The following TM2D2 variants were observed in gnomAD, a reference collection of about 807,000 sequenced individuals.
TM2D2 encodes the protein TM2 domain-containing protein 2.
Under a neutral mutation model 23.0 loss-of-function variants are expected in TM2D2, and 19 were observed. That is an observed-to-expected ratio of 0.82 (90% CI 0.58 to 1.21). The LOEUF (loss-of-function observed/expected upper bound fraction) is 1.21, where lower values mean the gene tolerates loss of function less well. Among genes scored for constraint, TM2D2 ranks in the 50% most tolerant of loss-of-function variants. The pLI is 0.00. For missense variants in TM2D2, 246 were observed against 265.4 expected, an observed-to-expected ratio of 0.93 and a Z score of 0.51; for synonymous variants, 120 against 108.8, an observed-to-expected ratio of 1.10 and a Z score of -0.64.
intron 3 of TM2D2, among the ~76,000 whole-genome samples, 192 bp from the exon 4 acceptor site, chr8:38,991,737 A>G (rs749819327): frequency 1.3e-5 from 2 of 152,164 alleles, no homozygotes; most frequent in Non-Finnish European, 2.9e-5. Context: ...TATTATACTC[A>G]TAGGTCCCAG....
upstream of TM2D2, chr8:38,996,597 G>A (rs1310102074): frequency 2.1e-6 from 3 of 1,453,020 alleles, no homozygotes; most frequent in East Asian, 7.5e-5. Flanking sequence ...GCGCACCTCC[G>A]CCAACCAACT....
At chr8:38,993,447 C>A in intron 3 of TM2D2, 98 bp downstream of exon 3, 1 of 839,082 alleles carries the variant, frequency 1.2e-6, no homozygotes. Context: ...CAGAGTGAGA[C>A]CCTGTCTCTT....
chr8:38,994,568 C>T (rs1244605517), intron 2 of TM2D2, among the ~76,000 whole-genome samples: 1 of 152,018 alleles, frequency 6.6e-6, no homozygotes, highest in Admixed American at 6.5e-5. Context: ...CAGGTTTATT[C>T]CTCTGTGTCT....
In TM2D2 at chr8:38,990,018, TTA is replaced by T. The variant is rs1157993921; in HGVS notation, c.*1312_*1313del. The T allele has an allele frequency of 1.3e-5, 2 of 152,188 alleles. No homozygotes were observed. The highest frequency in any genetic ancestry group is 2.9e-5 in the Non-Finnish European group (2 of 67,992). 9.4% of individuals were successfully genotyped at this position (152,188 alleles called of 1,614,324 possible). A position where few individuals can be genotyped will look rare whatever the true frequency, so the allele number is the denominator to read the frequency against. On this transcript the variant is annotated 3_prime_UTR_variant, in exon 4 of 4. Coordinates refer to ENST00000456397, the MANE Select transcript of TM2D2 (RefSeq NM_078473.3). The stretch of plus-strand genomic sequence containing the variant: ...TTATGAATTAAAAGTTTACCAATTG[TTA>T]TGTTATAAGCAAGGTTAAGGTCAGT...
upstream of TM2D2, chr8:38,996,724 C>T (rs921904502): frequency 7.0e-7 from 1 of 1,419,320 alleles, no homozygotes; most frequent in East Asian, 2.6e-5. Flanking sequence ...CAATCGGATC[C>T]GTCGACCCCC....
upstream of TM2D2, chr8:38,996,990 A>C: frequency 1.9e-6 from 3 of 1,549,676 alleles, no homozygotes; most frequent in Non-Finnish European, 2.6e-6. Flanking sequence ...GGGCCCCGGC[A>C]GGGTTGGAAA....
At chr8:38,996,110 G>C in intron 1 of TM2D2, 103 bp downstream of exon 1, 1 of 1,344,080 alleles carries the variant, frequency 7.4e-7, no homozygotes, top group South Asian at 1.4e-5. Context: ...AGAGAGGCAG[G>C]GTCTGAAAAA....
In TM2D2 at chr8:38,991,342, G is replaced by A; in HGVS notation, c.635C>T (p.Thr212Ile). Residue 212 changes from threonine (T) to isoleucine (I), a missense_variant, in exon 4 of 4, where the codon ACT becomes ATT. By Grantham distance (89) the Thr-to-Ile change is moderately conservative. Coordinates refer to ENST00000456397, the MANE Select transcript of TM2D2 (RefSeq NM_078473.3). Reference protein sequence around the residue: ...LMPSDGSNWCTVY With the variant: ...LMPSDGSNWCIVY ...TGATGGCAGCTCTTCTTAGTAAACA[G>A]TGCACCAGTTGCTGCCATCACTTGG... 1 of 1,613,886 alleles carries A rather than the reference G, an allele frequency of 6.2e-7. No homozygotes were observed. The highest frequency in any genetic ancestry group is 1.1e-5 in the South Asian group (1 of 91,050).
At chr8:38,995,666 A>C (rs1835749875) in intron 1 of TM2D2, 1 of 1,364,278 alleles carries the variant, frequency 7.3e-7, no homozygotes. Context: ...CCATGGTTTC[A>C]TCTCTTCAGT....
intron 3 of TM2D2, among the ~76,000 whole-genome samples, chr8:38,992,538 TTACTC>T (rs200895240): frequency 6.6e-6 from 1 of 152,092 alleles, no homozygotes; most frequent in Admixed American, 6.5e-5. Context: ...CACCTTTACT[TTACTC>T]TCCTCTAAGA....
At chr8:38,995,790 T>C in intron 1 of TM2D2, 1 of 1,245,094 alleles carries the variant, frequency 8.0e-7, no homozygotes, top group Non-Finnish European at 1.0e-6. Flanking sequence ...AAAAATGGCG[T>C]GATTCTGCAA....
rs1396697990 is a variant in TM2D2 at position 38,990,696 on chromosome 8, G to A, written c.*636C>T. On this transcript the variant is annotated 3_prime_UTR_variant, in exon 4 of 4. Transcript: ENST00000456397. ...GCATATACTGCCTCTGGAACATAATGGAGACAAAAGAGGGCTTAATAGGAT... is the reference window on the plus strand; with the variant it reads ...GCATATACTGCCTCTGGAACATAATAGAGACAAAAGAGGGCTTAATAGGAT... 6.5e-6 allele frequency: 1 copy of A among 152,692 alleles called. No individual in the cohort carries two copies. Among genetic ancestry groups the A allele is most frequent in the African/African-American group, 2.4e-5 (1 of 41,434 alleles). The allele number at this position is 152,692 out of a possible 1,614,324, so 9.5% of individuals were successfully genotyped here.
In TM2D2 at chr8:38,991,311, G is replaced by T. The variant is rs767995434; in HGVS notation, c.*21C>A. The T allele has an allele frequency of 2.5e-6, 4 of 1,605,920 alleles. No homozygotes were observed. Among genetic ancestry groups the T allele is most frequent in the Non-Finnish European group, 3.4e-6 (4 of 1,173,980 alleles). On this transcript the variant is annotated 3_prime_UTR_variant, in exon 4 of 4. Transcript: ENST00000456397. ...AGACGGAGCTTTCACCCGCCTCCCTGGGCCATGATGGCAGCTCTTCTTAGT... is the reference window on the plus strand; with the variant it reads ...AGACGGAGCTTTCACCCGCCTCCCTTGGCCATGATGGCAGCTCTTCTTAGT...
Position 38,989,024 on chromosome 8 carries a change from C to T in TM2D2, c.*2308G>A, listed in dbSNP as rs1428586641. 1 of 152,202 alleles carries T rather than the reference C, an allele frequency of 6.6e-6. No homozygotes were observed. Among genetic ancestry groups the T allele is most frequent in the African/African-American group, 2.4e-5 (1 of 41,450 alleles). The allele number at this position is 152,202 out of a possible 1,614,324, so 9.4% of individuals were successfully genotyped here. On this transcript the variant is annotated 3_prime_UTR_variant, in exon 4 of 4. Transcript: ENST00000456397. Reference sequence around the variant, plus strand: ...GGCAATCAATTGTTAAATAGTACTCCTTTAGTCCATCAGGTTTTCAGGTTG... The same window carrying T: ...GGCAATCAATTGTTAAATAGTACTCTTTTAGTCCATCAGGTTTTCAGGTTG...
At position 38,990,701 on chromosome 8, in the gene TM2D2, CAA is replaced by C. The variant is rs1475069446; in HGVS notation, c.*629_*630del. 2 of 152,656 alleles carry C rather than the reference CAA, an allele frequency of 1.3e-5. No individual in the cohort carries two copies. Among genetic ancestry groups the C allele is most frequent in the African/African-American group, 4.8e-5 (2 of 41,408 alleles). 9.5% of individuals were successfully genotyped at this position (152,656 alleles called of 1,614,324 possible). ...TACTGCCTCTGGAACATAATGGAGACAAAAGAGGGCTTAATAGGATGGCTCAT... is the reference window on the plus strand; with the variant it reads ...TACTGCCTCTGGAACATAATGGAGACAAGAGGGCTTAATAGGATGGCTCAT... On this transcript the variant is annotated 3_prime_UTR_variant, in exon 4 of 4. Transcript: ENST00000456397.
chr8:38,993,006 C>G (rs1835649160), intron 3 of TM2D2, among the ~76,000 whole-genome samples: 1 of 152,122 alleles, frequency 6.6e-6, no homozygotes, highest in South Asian at 2.1e-4. Context: ...AGTGTGGAGC[C>G]TACACTTTTT....
Position 38,990,223 on chromosome 8 carries a change from G to C in TM2D2, c.*1109C>G, listed in dbSNP as rs1367195609. On this transcript the variant is annotated 3_prime_UTR_variant, in exon 4 of 4. Coordinates refer to ENST00000456397, the MANE Select transcript of TM2D2 (RefSeq NM_078473.3). ...GAAGTTATTTCAACTGTGATATTTG[G>C]TCTTAAATTCAATTATTATTAGGTA... The C allele has an allele frequency of 6.6e-6, 1 of 152,194 alleles. No individual in the cohort carries two copies. Among genetic ancestry groups the C allele is most frequent in the Non-Finnish European group, 1.5e-5 (1 of 68,032 alleles). The allele number at this position is 152,194 out of a possible 1,614,324, so 9.4% of individuals were successfully genotyped here.
At chr8:38,993,750 C>A (rs1238135210) in intron 2 of TM2D2, 90 bp from the exon 3 acceptor site, 5 of 930,512 alleles carry the variant, frequency 5.4e-6, no homozygotes, top group Non-Finnish European at 8.3e-6. Flanking sequence ...AGAATGAAAG[C>A]GGCCTCAGGA....
At chr8:38,996,989 C>T (rs1362601135), upstream of TM2D2, 1 of 1,549,814 alleles carries the variant, frequency 6.5e-7, no homozygotes, top group African/African-American at 1.4e-5. Context: ...GGGGCCCCGG[C>T]AGGGTTGGAA....
Sources: allele counts gnomAD v4.1 joint callset (sites outside exome capture counted in the v4.1 genomes callset), GRCh38; gene constraint gnomAD v4.1.1; transcripts MANE v1.5; gene names NCBI Gene and HGNC (gene_info 2026-07-23, HGNC 2026-07-21).